Variants in SHROOM2 observed in about 807,000 individuals in gnomAD.
SHROOM2 encodes the protein protein Shroom2.
In SHROOM2, 33 loss-of-function variants were observed where a neutral mutation model predicts 75.9. The observed-to-expected ratio is 0.43, with a 90% CI of 0.33 to 0.58. The LOEUF is 0.58. Among genes scored for constraint, SHROOM2 ranks in the 20% least tolerant of loss-of-function variants. The probability of loss-of-function intolerance (pLI) is 0.04; values close to 1 mark genes in which losing one functional copy is unlikely to be tolerated. For synonymous variants in SHROOM2, 655 were observed against 663.6 expected (o/e 0.99, Z 0.20); for missense variants, 1,434 against 1,461.2 (o/e 0.98, Z 0.30).
chrX:9,790,605 G>A (rs891497062), intron 1 of SHROOM2, among the ~76,000 whole-genome samples: 18 of 111,342 alleles, frequency 1.6e-4, no homozygotes, highest in Middle Eastern at 4.6e-3. Flanking sequence ...AGTGATGTCC[G>A]AGTTGTAAAG....
chrX:9,841,522 G>A (rs1346527387), intron 1 of SHROOM2, among the ~76,000 whole-genome samples: 1 of 111,624 alleles, frequency 9.0e-6, no homozygotes, highest in Admixed American at 9.6e-5. Flanking sequence ...TAGAATCACA[G>A]TAGCTTTTGT....
At chrX:9,934,737 G>A (rs2084683264) in intron 6 of SHROOM2, among the ~76,000 whole-genome samples, 1 of 111,869 alleles carries the variant, frequency 8.9e-6, no homozygotes, top group Non-Finnish European at 1.9e-5. Context: ...TGCTTTGTTG[G>A]AAAGTGTATG....
At chrX:9,834,840 G>A (rs1463660601) in intron 1 of SHROOM2, among the ~76,000 whole-genome samples, 1 of 111,514 alleles carries the variant, frequency 9.0e-6, no homozygotes, top group Admixed American at 9.5e-5. Context: ...GTGTTTGCAA[G>A]GTGCACTGCC....
chrX:9,891,996 A>G (rs1446702400), intron 3 of SHROOM2, among the ~76,000 whole-genome samples: 1 of 110,489 alleles, frequency 9.1e-6, no homozygotes, highest in Non-Finnish European at 1.9e-5. Context: ...GCAATGGTTC[A>G]TGTCTGTAAT....
intron 1 of SHROOM2, among the ~76,000 whole-genome samples, chrX:9,832,426 C>T (rs1281781868): frequency 8.9e-6 from 1 of 112,013 alleles, no homozygotes; most frequent in Non-Finnish European, 1.9e-5. Context: ...AGGAAATCTC[C>T]AGTCCTGAGG....
intron 1 of SHROOM2, among the ~76,000 whole-genome samples, chrX:9,837,983 G>C (rs900244588): frequency 1.8e-5 from 2 of 109,978 alleles, no homozygotes; most frequent in African/African-American, 6.6e-5. Flanking sequence ...GGTGGTCCTG[G>C]ACATTTCCTT....
At chrX:9,832,791 C>T (rs934544358) in intron 1 of SHROOM2, among the ~76,000 whole-genome samples, 3 of 111,618 alleles carry the variant, frequency 2.7e-5, no homozygotes, top group African/African-American at 9.8e-5. Flanking sequence ...TCTCTGATGG[C>T]CCCTGCTTGC....
chrX:9,814,712 A>G (rs1292215417), intron 1 of SHROOM2, among the ~76,000 whole-genome samples: 2 of 111,369 alleles, frequency 1.8e-5, no homozygotes, highest in Non-Finnish European at 3.8e-5. Context: ...GGGGATGGGG[A>G]AGCTGTTCCT....
intron 1 of SHROOM2, 104 bp from the exon 2 acceptor site, chrX:9,873,548 C>T (rs761909651): frequency 1.7e-5 from 16 of 955,969 alleles, no homozygotes; most frequent in Non-Finnish European, 2.2e-5. Flanking sequence ...CCCCAGGGCC[C>T]ATTCCCGCCA....
chrX:9,868,996 G>A (rs986821317), intron 1 of SHROOM2, among the ~76,000 whole-genome samples: 8 of 110,464 alleles, frequency 7.2e-5, no homozygotes, highest in South Asian at 3.9e-4. Context: ...TCACTTTGTC[G>A]CCCAGGCTGG....
intron 1 of SHROOM2, among the ~76,000 whole-genome samples, chrX:9,838,717 G>A (rs962377813): frequency 8.9e-6 from 1 of 111,953 alleles, no homozygotes; most frequent in East Asian, 2.8e-4. Context: ...GTGCCCCTTC[G>A]TGCCTGAATT....
intron 1 of SHROOM2, among the ~76,000 whole-genome samples, chrX:9,815,432 T>TTGTGTG (rs1170879447): frequency 1.7e-4 from 8 of 48,382 alleles, no homozygotes; most frequent in Non-Finnish European, 2.7e-4. Flanking sequence ...GATATACATA[T>TTGTGTG]TATGTGTGTG....
chrX:9,795,042 C>T (rs934961347), intron 1 of SHROOM2, among the ~76,000 whole-genome samples: 1 of 111,841 alleles, frequency 8.9e-6, no homozygotes, highest in Non-Finnish European at 1.9e-5. Context: ...GGAGATCAGA[C>T]GTTTTTGTTT....
chrX:9,929,528 G>T (rs944296229), intron 5 of SHROOM2, among the ~76,000 whole-genome samples: 5 of 111,518 alleles, frequency 4.5e-5, no homozygotes, highest in African/African-American at 1.6e-4. Flanking sequence ...CACTTTCTCA[G>T]TGGGTCTCTT....
rs192021303 is a variant in SHROOM2, at chrX:9,799,320, C to T, written c.165+12610C>T. The stretch of plus-strand genomic sequence containing the variant: ...GTAGCTGGGATTACAGGTGCGCCAC[C>T]GCGCCCGGCTAATTTTTGTATTTTT... On this transcript the variant is annotated intron_variant, in intron 1 of 9. Coordinates refer to ENST00000380913, the MANE Select transcript of SHROOM2 (RefSeq NM_001649.4). Among the ~76,000 whole-genome samples the T allele has an allele frequency of 3.2e-3, 348 of 108,276 alleles. 1 individual carries two copies. The highest frequency in any genetic ancestry group is 5.9e-3 in the Non-Finnish European group (307 of 52,383). 94.0% of individuals were successfully genotyped at this position (108,276 alleles called of 115,157 possible). A position where few individuals can be genotyped will look rare whatever the true frequency, so the allele number is the denominator to read the frequency against.
chrX:9,846,886 G>A (rs536900984), intron 1 of SHROOM2, among the ~76,000 whole-genome samples: 1 of 112,005 alleles, frequency 8.9e-6, no homozygotes, highest in South Asian at 3.7e-4. Flanking sequence ...CTTTGCAGCT[G>A]TTTCATGGAG....
intron 1 of SHROOM2, among the ~76,000 whole-genome samples, chrX:9,839,725 T>C (rs1248752882): frequency 8.9e-6 from 1 of 111,998 alleles, no homozygotes; most frequent in Non-Finnish European, 1.9e-5. Flanking sequence ...TGAGTATTAG[T>C]GCAGTGTTGG....
At position 9,946,965 on chromosome X, in the gene SHROOM2, A is replaced by G; in HGVS notation, c.*28A>G. On this transcript the variant is annotated 3_prime_UTR_variant, in exon 10 of 10. Transcript: ENST00000380913. ...GACCAGTCCCCGGTGGAGGAGGGGC[A>G]CGGGGCCTCCGAGCTCCAGCTCCGT... The G allele has an allele frequency of 8.6e-7, 1 of 1,164,911 alleles. No homozygotes were observed. Among genetic ancestry groups the G allele is most frequent in the Non-Finnish European group, 1.1e-6 (1 of 869,713 alleles).
chrX:9,930,556 A>G (rs1046067802), intron 5 of SHROOM2, among the ~76,000 whole-genome samples: 5 of 110,572 alleles, frequency 4.5e-5, no homozygotes. Flanking sequence ...AAATATGGAA[A>G]TGAAATGGAA....
Sources: allele counts gnomAD v4.1 joint callset (sites outside exome capture counted in the v4.1 genomes callset), GRCh38; gene constraint gnomAD v4.1.1; transcripts MANE v1.5; gene names NCBI Gene and HGNC (gene_info 2026-07-23, HGNC 2026-07-21).